PRKAR1B: variants seen among roughly 807,000 people sequenced by gnomAD.
The protein encoded by PRKAR1B is protein kinase cAMP-dependent type I regulatory subunit beta.
PRKAR1B carries 22 observed loss-of-function variants against 46.5 expected under a neutral mutation model. That is an observed-to-expected ratio of 0.47 (90% confidence interval 0.34 to 0.68). The LOEUF is 0.68. Among genes scored for constraint, PRKAR1B ranks in the 30% least tolerant of loss-of-function variants. The pLI is 0.01. For synonymous variants in PRKAR1B, 259 were observed against 217.7 expected (o/e 1.19, Z -1.67); for missense variants, 445 against 535.6 (o/e 0.83, Z 1.67).
intron 1 of PRKAR1B, among the ~76,000 whole-genome samples, chr7:725,397 G>T (rs1032780350): frequency 1.3e-5 from 2 of 152,192 alleles, no homozygotes; most frequent in Non-Finnish European, 2.9e-5. Context: ...CTCCTGGTTT[G>T]CAGTGAGTGC....
At chr7:622,235 G>C (rs559521486) in intron 4 of PRKAR1B, among the ~76,000 whole-genome samples, 34 of 152,326 alleles carry the variant, frequency 2.2e-4, no homozygotes, top group Admixed American at 3.9e-4. Flanking sequence ...GCCCCTCAAA[G>C]CTGCACCTCA....
chr7:581,807 C>G (rs891609827), intron 8 of PRKAR1B, among the ~76,000 whole-genome samples: 7 of 152,226 alleles, frequency 4.6e-5, no homozygotes, highest in Admixed American at 3.9e-4. Flanking sequence ...CCTTGAACTC[C>G]TGGGCTCAAG....
chr7:605,115 CAGA>C (rs1781937100), intron 6 of PRKAR1B, among the ~76,000 whole-genome samples: 1 of 152,202 alleles, frequency 6.6e-6, no homozygotes, highest in Admixed American at 6.5e-5. Context: ...TAGCAGAGAG[CAGA>C]AGGAGAAGCA....
At chr7:557,803 G>C (rs946336177) in intron 9 of PRKAR1B, among the ~76,000 whole-genome samples, 23 of 152,180 alleles carry the variant, frequency 1.5e-4, no homozygotes, top group African/African-American at 5.5e-4. Flanking sequence ...AGGATTGAGA[G>C]TCTGGGTTTT....
intron 6 of PRKAR1B, among the ~76,000 whole-genome samples, chr7:597,602 G>T (rs1192306653): frequency 1.3e-5 from 2 of 152,220 alleles, no homozygotes; most frequent in Non-Finnish European, 2.9e-5. Flanking sequence ...GCAGGGATAC[G>T]TGGAGGAGGC....
intron 1 of PRKAR1B, among the ~76,000 whole-genome samples, chr7:718,214 G>A (rs1780946218): frequency 6.7e-6 from 1 of 149,312 alleles, no homozygotes; most frequent in Non-Finnish European, 1.5e-5. Context: ...CTGACCCACA[G>A]ACAGCCGGCC....
intron 4 of PRKAR1B, among the ~76,000 whole-genome samples, chr7:673,460 C>T (rs1786402220): frequency 6.6e-6 from 1 of 151,932 alleles, no homozygotes; most frequent in Non-Finnish European, 1.5e-5. Flanking sequence ...CCATCCTGGC[C>T]AACACAGTGA....
chr7:680,947 T>TC (rs1562611751), intron 2 of PRKAR1B, among the ~76,000 whole-genome samples: 1 of 152,010 alleles, frequency 6.6e-6, no homozygotes, highest in Admixed American at 6.6e-5. Flanking sequence ...TCATTTTGTG[T>TC]CCCCCACCAA....
chr7:673,067 A>AAAC (rs1786365298), intron 4 of PRKAR1B, among the ~76,000 whole-genome samples: 2 of 143,024 alleles, frequency 1.4e-5, no homozygotes, highest in South Asian at 2.3e-4. Context: ...AAAAAAAAAA[A>AAAC]AAAAAAAAAA....
intron 8 of PRKAR1B, among the ~76,000 whole-genome samples, chr7:581,261 C>A (rs1306707526): frequency 1.3e-5 from 2 of 149,186 alleles, no homozygotes; most frequent in African/African-American, 5.0e-5. Flanking sequence ...CGAGATAGCA[C>A]CACTGACCTC....
intron 6 of PRKAR1B, among the ~76,000 whole-genome samples, chr7:597,377 C>T (rs551727381): frequency 2.0e-5 from 3 of 152,300 alleles, no homozygotes; most frequent in South Asian, 4.2e-4. Flanking sequence ...CACGAACTTT[C>T]GGAGGCACAG....
In PRKAR1B at chr7:550,445, G is replaced by A. The variant is rs1223398519; in HGVS notation, c.1131C>T (p.Ile377=). ...KRNIQRYNSF[I]SLTV The stretch of plus-strand genomic sequence containing the variant: ...GGAGCTGTGCTCAGACGGTGAGGGA[G>A]ATGAAGCTGTTGTAACGCTGAATGT... The change falls in exon 11 of 11, where the codon ATC becomes ATT. Residue 377 remains isoleucine, a synonymous_variant. Coordinates refer to ENST00000537384, the MANE Select transcript of PRKAR1B (RefSeq NM_001164760.2). 2 of 1,592,672 alleles carry A rather than the reference G, an allele frequency of 1.3e-6. No individual in the cohort carries two copies. The highest frequency in any genetic ancestry group is 1.3e-5 in the African/African-American group (1 of 74,584).
chr7:657,294 TG>T (rs1386980432), intron 4 of PRKAR1B, among the ~76,000 whole-genome samples: 2,558 of 151,404 alleles, frequency 0.017, 100 homozygotes, highest in African/African-American at 0.052. Flanking sequence ...GATGGATGGA[TG>T]GATGGATGAA....
chr7:616,831 G>A (rs913656819), intron 4 of PRKAR1B, among the ~76,000 whole-genome samples: 1 of 152,142 alleles, frequency 6.6e-6, no homozygotes, highest in African/African-American at 2.4e-5. Flanking sequence ...CCAACCTCAT[G>A]TATTTTTGGG....
chr7:612,154 T>TGATG (rs1408063730), intron 4 of PRKAR1B, among the ~76,000 whole-genome samples: 1 of 109,656 alleles, frequency 9.1e-6, no homozygotes, highest in Admixed American at 1.0e-4. Context: ...TAAGGATGGA[T>TGATG]GATGGATGGA....
intron 4 of PRKAR1B, among the ~76,000 whole-genome samples, chr7:615,440 TAAAAATA>T (rs1438146471): frequency 1.8e-4 from 9 of 50,618 alleles, no homozygotes; most frequent in Non-Finnish European, 3.9e-4. Flanking sequence ...GATAAATAAA[TAAAAATA>T]AAAAATAAAA....
chr7:701,491 T>C (rs1049848573), intron 2 of PRKAR1B, among the ~76,000 whole-genome samples: 2 of 152,176 alleles, frequency 1.3e-5, no homozygotes, highest in Non-Finnish European at 2.9e-5. Flanking sequence ...GGTTGAAAAC[T>C]TCTCAAATAT....
upstream of PRKAR1B, chr7:727,496 C>T (rs1781384189): frequency 1.9e-5 from 6 of 310,866 alleles, 1 homozygote; most frequent in South Asian, 9.7e-4. Context: ...GCACCCCGCC[C>T]GGCCCCCTCC....
At chr7:659,450 G>C (rs191479862) in intron 4 of PRKAR1B, among the ~76,000 whole-genome samples, 1 of 152,194 alleles carries the variant, frequency 6.6e-6, no homozygotes, top group Non-Finnish European at 1.5e-5. Context: ...CCACGAAAGG[G>C]GGAGAGGAGG....
Sources: allele counts gnomAD v4.1 joint callset (sites outside exome capture counted in the v4.1 genomes callset), GRCh38; gene constraint gnomAD v4.1.1; transcripts MANE v1.5; gene names NCBI Gene and HGNC (gene_info 2026-07-23, HGNC 2026-07-21).